The following RPS6KC1 variants were observed in gnomAD, a reference collection of about 807,000 sequenced individuals.
RPS6KC1 encodes inactive ribosomal protein S6 kinase delta-1.
Under a neutral mutation model 103.8 loss-of-function variants are expected in RPS6KC1, and 54 were observed. The observed-to-expected ratio is 0.52, with a 90% CI of 0.42 to 0.65. The LOEUF is 0.65. RPS6KC1 is among the 30% of genes least tolerant of loss of function. RPS6KC1 has a pLI of 0.00. For synonymous variants in RPS6KC1, 439 were observed against 438.7 expected (o/e 1.00, Z -0.01); for missense variants, 1,151 against 1,253.8 (o/e 0.92, Z 1.24).
the RPS6KC1 span, among the ~76,000 whole-genome samples, chr1:213,405,668 C>A: frequency 6.6e-6 from 1 of 152,234 alleles, no homozygotes; most frequent in East Asian, 1.9e-4. Context: ...GCAGTAGCAG[C>A]AGCAATCTGG....
chr1:213,196,923 G>T (rs183063989), intron 8 of RPS6KC1, among the ~76,000 whole-genome samples: 5 of 152,160 alleles, frequency 3.3e-5, no homozygotes, highest in Admixed American at 6.5e-5. Flanking sequence ...TGCAACCTCC[G>T]CCTCCTGGGT....
At chr1:213,089,258 G>A (rs1432198251) in intron 3 of RPS6KC1, among the ~76,000 whole-genome samples, 2 of 152,126 alleles carry the variant, frequency 1.3e-5, no homozygotes, top group African/African-American at 4.8e-5. Flanking sequence ...TCTTACCGTT[G>A]TAGGCTGTTA....
At chr1:213,438,736 A>G in the RPS6KC1 span, among the ~76,000 whole-genome samples, 1 of 151,106 alleles carries the variant, frequency 6.6e-6, no homozygotes, top group African/African-American at 2.4e-5. Flanking sequence ...AACAAAAGCT[A>G]TTGAAAATTT....
At chr1:213,240,584 G>T in intron 10 of RPS6KC1, 118 bp from the exon 11 acceptor site, 1 of 813,136 alleles carries the variant, frequency 1.2e-6, no homozygotes. Flanking sequence ...GATATTAATG[G>T]ATATTATTGA....
the RPS6KC1 span, among the ~76,000 whole-genome samples, chr1:213,490,051 A>G: frequency 6.6e-6 from 1 of 152,160 alleles, no homozygotes; most frequent in East Asian, 1.9e-4. Context: ...ACCCAGGACA[A>G]AGACTGCAGT....
chr1:213,421,691 A>G, the RPS6KC1 span, among the ~76,000 whole-genome samples: 17 of 152,164 alleles, frequency 1.1e-4, no homozygotes, highest in African/African-American at 3.9e-4. Context: ...ATTGAATGTG[A>G]GGTTGAATGA....
chr1:213,754,283 T>C, the RPS6KC1 span, among the ~76,000 whole-genome samples: 5 of 152,204 alleles, frequency 3.3e-5, no homozygotes, highest in Non-Finnish European at 7.3e-5. Context: ...AATCTCACTC[T>C]TCTTCTTCCT....
At chr1:213,341,054 C>A in the RPS6KC1 span, among the ~76,000 whole-genome samples, 2 of 152,226 alleles carry the variant, frequency 1.3e-5, no homozygotes, top group Non-Finnish European at 2.9e-5. Flanking sequence ...AATTGTAATC[C>A]CTGCGTGTCA....
the RPS6KC1 span, among the ~76,000 whole-genome samples, chr1:213,351,409 G>A: frequency 2.0e-5 from 3 of 152,146 alleles, no homozygotes; most frequent in South Asian, 4.1e-4. Flanking sequence ...ATTCCATGAG[G>A]GTAGCTTTGG....
Position 213,068,913 on chromosome 1 carries a change from G to GTGTGTA in RPS6KC1, c.106-2092_106-2091insGTGTAT, listed in dbSNP as rs1245462521. Among the ~76,000 whole-genome samples the GTGTGTA allele has an allele frequency of 1.9e-3, 281 of 145,508 alleles. 1 individual carries two copies. The highest frequency in any genetic ancestry group is 6.0e-3 in the African/African-American group (233 of 38,608). On this transcript the variant is annotated intron_variant, in intron 1 of 14. Coordinates refer to ENST00000366960, the MANE Select transcript of RPS6KC1 (RefSeq NM_012424.6). Reference sequence around the variant, plus strand: ...TGTGTGTGTGTGTGTGTGTGTGTGTGTATGCCGACTGTGGTGTGCCTATAG... The same window carrying GTGTGTA: ...TGTGTGTGTGTGTGTGTGTGTGTGTGTGTGTATATGCCGACTGTGGTGTGCCTATAG...
the RPS6KC1 span, among the ~76,000 whole-genome samples, chr1:213,632,939 AG>A: frequency 6.6e-6 from 1 of 152,224 alleles, no homozygotes; most frequent in Admixed American, 6.5e-5. Flanking sequence ...AGTGGAAGAA[AG>A]GGTATCAGTG....
chr1:213,402,267 A>C, the RPS6KC1 span, among the ~76,000 whole-genome samples: 17 of 152,284 alleles, frequency 1.1e-4, no homozygotes, highest in African/African-American at 3.9e-4. Flanking sequence ...TAAGGGAGGA[A>C]GACAAGGACC....
the RPS6KC1 span, among the ~76,000 whole-genome samples, chr1:213,425,208 G>T: frequency 6.6e-6 from 1 of 152,084 alleles, no homozygotes; most frequent in South Asian, 2.1e-4. Context: ...AACAGCAGCA[G>T]CTCTCCAACA....
chr1:213,358,074 G>T, the RPS6KC1 span, among the ~76,000 whole-genome samples: 7 of 152,242 alleles, frequency 4.6e-5, no homozygotes, highest in African/African-American at 1.7e-4. Flanking sequence ...ATGTTCATCA[G>T]GGATATTGGT....
chr1:213,263,857 G>A (rs4655415), intron 14 of RPS6KC1, among the ~76,000 whole-genome samples: 141,412 of 152,198 alleles, frequency 0.93, 65,844 homozygotes, highest in South Asian at 0.98. Flanking sequence ...GATATAATCC[G>A]TGGAGTGGTA....
In RPS6KC1 at chr1:213,150,031, G is replaced by T. The variant is rs1371277661; in HGVS notation, c.836-17827G>T. ...CTATCCCTTTATTTTCAGTCTGTTTGTGTCTTTATAGGTGAAGTGTGTTTC... is the reference window on the plus strand; with the variant it reads ...CTATCCCTTTATTTTCAGTCTGTTTTTGTCTTTATAGGTGAAGTGTGTTTC... On this transcript the variant is annotated intron_variant, in intron 6 of 14. Coordinates refer to ENST00000366960, the MANE Select transcript of RPS6KC1 (RefSeq NM_012424.6). 5.9e-5 allele frequency among the ~76,000 whole-genome samples: 9 copies of T among 152,176 alleles called. No homozygotes were observed. In the East Asian group the frequency reaches 1.3e-3, roughly 23 times the overall value.
intron 1 of RPS6KC1, among the ~76,000 whole-genome samples, chr1:213,064,997 G>A (rs867616201): frequency 2.4e-4 from 17 of 71,910 alleles, no homozygotes; most frequent in Non-Finnish European, 3.1e-4. Flanking sequence ...TTTTTTTTGA[G>A]ACAGAGTCTT....
At chr1:213,572,511 G>C in the RPS6KC1 span, among the ~76,000 whole-genome samples, 1 of 152,200 alleles carries the variant, frequency 6.6e-6, no homozygotes. Flanking sequence ...TTATGTTCCA[G>C]TTATGTTGAA....
the RPS6KC1 span, among the ~76,000 whole-genome samples, chr1:213,830,794 A>G: frequency 2.0e-5 from 3 of 151,776 alleles, no homozygotes; most frequent in Non-Finnish European, 2.9e-5. Flanking sequence ...CTTTTACTTT[A>G]TACACAAAAA....
Sources: gnomAD v4.1 joint callset for allele counts (sites outside exome capture counted in the v4.1 genomes callset) on GRCh38, gnomAD v4.1.1 for gene constraint, MANE v1.5 for transcripts, NCBI Gene and HGNC (gene_info 2026-07-23, HGNC 2026-07-21) for gene names.